The following PREX1 variants were observed in gnomAD, a reference collection of about 807,000 sequenced individuals.
PREX1 encodes phosphatidylinositol-3,4,5-trisphosphate dependent Rac exchange factor 1, also known as phosphatidylinositol 3,4,5-trisphosphate-dependent Rac exchanger 1 protein.
Under a neutral mutation model 198.3 loss-of-function variants are expected in PREX1, and 41 were observed. That is an observed-to-expected ratio of 0.21 (90% confidence interval 0.16 to 0.27). The LOEUF (loss-of-function observed/expected upper bound fraction) is 0.27, where lower values mean the gene tolerates loss of function less well. Among genes scored for constraint, PREX1 ranks in the 10% least tolerant of loss-of-function variants. The pLI, the probability that PREX1 is intolerant of heterozygous loss-of-function variation, is 1.00. For synonymous variants in PREX1, 843 were observed against 887.2 expected (o/e 0.95, Z 0.89); for missense variants, 1,620 against 2,200.7 (o/e 0.74, Z 5.28).
intron 1 of PREX1, among the ~76,000 whole-genome samples, chr20:48,807,767 G>T (rs114438135): frequency 6.6e-6 from 1 of 152,128 alleles, no homozygotes; most frequent in Non-Finnish European, 1.5e-5. Flanking sequence ...TCTTGTGTAC[G>T]TGTGACGACA....
At chr20:48,880,671 C>T in the PREX1 span, among the ~76,000 whole-genome samples, 1 of 152,050 alleles carries the variant, frequency 6.6e-6, no homozygotes, top group Non-Finnish European at 1.5e-5. Context: ...AGAATGTAGT[C>T]CTAGCTACAA....
chr20:48,639,862 C>G lies in PREX1; in HGVS notation c.3808G>C (p.Gly1270Arg). The G allele has an allele frequency of 1.9e-6, 3 of 1,614,040 alleles. No homozygotes were observed. The highest frequency in any genetic ancestry group is 2.5e-6 in the Non-Finnish European group (3 of 1,179,962). Reference sequence around the variant, plus strand: ...ATGCTAATCTGGATCAGGCTCCGGCCACGGATTGTACACTCTTCTTTCTGT... The same window carrying G: ...ATGCTAATCTGGATCAGGCTCCGGCGACGGATTGTACACTCTTCTTTCTGT... ...FKQKEECTIR[G>R]RSLIQISIQE... Residue 1270 changes from glycine to arginine, a missense_variant, in exon 30 of 40, where the codon GGC (glycine) becomes CGC (arginine). Physicochemically the swap from Gly to Arg is moderately radical, Grantham distance 125. Around this residue, in one of 7 missense-constraint regions of PREX1, gnomAD observed 476 missense variants for 603.4 expected, o/e 0.79. Transcript: ENST00000371941.
At chr20:48,626,310 G>A (rs2089272013) in intron 39 of PREX1, among the ~76,000 whole-genome samples, 1 of 152,214 alleles carries the variant, frequency 6.6e-6, no homozygotes, top group South Asian at 2.1e-4. Flanking sequence ...TTTGGAGCCG[G>A]GGGACCAGAC....
chr20:48,806,829 C>T (rs1483003573), intron 1 of PREX1, among the ~76,000 whole-genome samples: 2 of 152,176 alleles, frequency 1.3e-5, no homozygotes, highest in South Asian at 4.1e-4. Flanking sequence ...CCAAACAGCT[C>T]CAACAGCAGG....
chr20:48,688,938 C>T (rs2089801345), intron 9 of PREX1, 134 bp from the exon 10 acceptor site: 1 of 1,025,848 alleles, frequency 9.7e-7, no homozygotes, highest in East Asian at 2.5e-5. Flanking sequence ...TCCACCACCA[C>T]CACGCCAGCA....
intron 33 of PREX1, among the ~76,000 whole-genome samples, chr20:48,634,097 T>TGGAC (rs1396187896): frequency 1.7e-5 from 2 of 116,608 alleles, no homozygotes; most frequent in Admixed American, 8.7e-5. Context: ...GATGGATGGA[T>TGGAC]GGATGCATGG....
At chr20:48,685,422 C>A (rs193248491) in intron 10 of PREX1, among the ~76,000 whole-genome samples, 1 of 152,256 alleles carries the variant, frequency 6.6e-6, no homozygotes, top group Non-Finnish European at 1.5e-5. Context: ...ACGATTCCCA[C>A]GAGTCTCACC....
intron 1 of PREX1, among the ~76,000 whole-genome samples, chr20:48,752,839 A>G (rs1167281674): frequency 1.3e-5 from 2 of 152,166 alleles, no homozygotes; most frequent in Admixed American, 6.5e-5. Context: ...CAAGTTGTTC[A>G]TTTCATTGCT....
chr20:48,766,620 C>T (rs2090209376), intron 1 of PREX1, among the ~76,000 whole-genome samples: 1 of 152,232 alleles, frequency 6.6e-6, no homozygotes, highest in Non-Finnish European at 1.5e-5. Flanking sequence ...CCTGCCCTCC[C>T]CAGTGAGATC....
At chr20:48,726,920 A>G (rs1317160689) in intron 4 of PREX1, among the ~76,000 whole-genome samples, 1 of 152,250 alleles carries the variant, frequency 6.6e-6, no homozygotes, top group Non-Finnish European at 1.5e-5. Context: ...GCTATGCAGC[A>G]GTTAAAATGA....
In PREX1 at chr20:48,679,368, C is replaced by T. The variant is rs905834260; in HGVS notation, c.1581G>A (p.Pro527=). ...TGGAAAGAGTAACTTACTTGATCAC[C>T]GGGGTGTAGAGGCTGTGAAGACGGC... is the stretch of plus-strand genomic sequence containing the variant. ...LYCRLHSLYT[P]VIKDRDYHLK... The change falls in exon 13 of 40, where the codon CCG becomes CCA. Residue 527 remains proline (P), a synonymous_variant. Transcript: ENST00000371941. 22 of 1,612,846 alleles carry T rather than the reference C, an allele frequency of 1.4e-5. 1 individual carries two copies. The Middle Eastern group carries it at 8.2e-4, about 60-fold the overall frequency.
chr20:48,740,262 G>A (rs1271749060), intron 3 of PREX1, among the ~76,000 whole-genome samples: 2 of 152,204 alleles, frequency 1.3e-5, no homozygotes, highest in Non-Finnish European at 2.9e-5. Context: ...GGGCTGCAGT[G>A]GATGCCATGG....
rs11467059 is a variant in PREX1 at position 48,696,977 on chromosome 20, T to TACACACAC, written c.917+3768_917+3775dup. Among the ~76,000 whole-genome samples, 655 of 148,646 alleles carry TACACACAC rather than the reference T, an allele frequency of 4.4e-3. 4 individuals are homozygous for TACACACAC. Among genetic ancestry groups the TACACACAC allele is most frequent in the African/African-American group, 0.011 (449 of 40,470 alleles). On this transcript the variant is annotated intron_variant, in intron 7 of 39. Coordinates refer to ENST00000371941, the MANE Select transcript of PREX1 (RefSeq NM_020820.4). ...GTCAACTGCTTATTATAAATCTCTTTACACACACACACACACACACACACA... is the reference window on the plus strand; with the variant it reads ...GTCAACTGCTTATTATAAATCTCTTTACACACACACACACACACACACACACACACACA...
chr20:48,688,546 G>T (rs2089798476), intron 10 of PREX1, 111 bp downstream of exon 10: 3 of 1,403,274 alleles, frequency 2.1e-6, no homozygotes, highest in Non-Finnish European at 2.9e-6. Context: ...TTGTCACTCT[G>T]CCCAGGATGG....
chr20:48,632,127 G>A (rs2089319287), intron 35 of PREX1, 150 bp downstream of exon 35: 1 of 743,860 alleles, frequency 1.3e-6, no homozygotes, highest in Non-Finnish European at 2.3e-6. Context: ...ATCTCACGCA[G>A]GCAAGAGTGC....
At chr20:48,824,964 G>A (rs1158959012) in intron 1 of PREX1, among the ~76,000 whole-genome samples, 4 of 152,142 alleles carry the variant, frequency 2.6e-5, no homozygotes, top group Admixed American at 6.5e-5. Context: ...AGCAGGGAGG[G>A]ATTACCGTGC....
chr20:48,735,477 G>C (rs1401938164), intron 3 of PREX1, among the ~76,000 whole-genome samples: 1 of 152,138 alleles, frequency 6.6e-6, no homozygotes, highest in Non-Finnish European at 1.5e-5. Flanking sequence ...GAATTAACAG[G>C]CATCCCCAGC....
the PREX1 span, among the ~76,000 whole-genome samples, chr20:48,875,955 G>A: frequency 2.0e-5 from 3 of 152,170 alleles, no homozygotes; most frequent in Non-Finnish European, 2.9e-5. Context: ...ATGCTGGACC[G>A]TTCACCTGGG....
intron 1 of PREX1, among the ~76,000 whole-genome samples, chr20:48,773,501 C>G (rs1345503966): frequency 6.6e-6 from 1 of 152,148 alleles, no homozygotes; most frequent in Non-Finnish European, 1.5e-5. Flanking sequence ...GGACCTCATT[C>G]ATTCATTCAG....
Sources: gnomAD v4.1 joint callset for allele counts (sites outside exome capture counted in the v4.1 genomes callset) on GRCh38, gnomAD v4.1.1 for gene constraint, gnomAD v4.1.1 regional missense constraint, MANE v1.5 for transcripts, NCBI Gene and HGNC (gene_info 2026-07-23, HGNC 2026-07-21) for gene names.